The following IRX4 variants were observed in gnomAD, a reference collection of about 807,000 sequenced individuals.
IRX4 encodes iroquois homeobox 4.
In IRX4, 22 loss-of-function variants were observed where a neutral mutation model predicts 32.0. The ratio of observed to expected loss-of-function variants is 0.69; its 90% CI spans 0.49 to 0.98. IRX4 has a LOEUF of 0.98. Among genes scored for constraint, IRX4 ranks in the 50% least tolerant of loss-of-function variants. The pLI is 0.00. For missense variants in IRX4, 840 were observed against 744.2 expected (o/e 1.13, Z -1.50); for synonymous variants, 379 against 351.7 (o/e 1.08, Z -0.87).
chr5:1,880,832 G>C lies in IRX4; in HGVS notation c.300C>G (p.Asn100Lys), dbSNP rs1005371183. ...CCGAACCATCCTTGGAATCAAAGCT[G>C]TTCTGTGGGAGCCAAGAGTCTGGGG... ...GSEASAFYSL[N>K]SFDSKDGSGS... The change falls in exon 3 of 5, where the codon AAC becomes AAG. Residue 100 changes from asparagine (N) to lysine (K), a missense_variant and splice_region_variant. Coordinates refer to ENST00000231357, the MANE Select transcript of IRX4 (RefSeq NM_016358.3). The C allele has an allele frequency of 6.2e-7, 1 of 1,612,954 alleles. No homozygotes were observed. The highest frequency in any genetic ancestry group is 1.1e-5 in the South Asian group (1 of 91,076).
chr5:1,880,185 G>A (rs1354045936), intron 3 of IRX4: 1 of 1,458,430 alleles, frequency 6.9e-7, no homozygotes, highest in Non-Finnish European at 9.3e-7. Context: ...CCCACACCCT[G>A]AGATGTAACA....
chr5:1,878,398 G>GGCT lies in IRX4; in HGVS notation c.1130_1131insAGC (p.Ala382dup), dbSNP rs771610496. The GGCT allele has an allele frequency of 2.0e-6, 3 of 1,526,162 alleles. No homozygotes were observed. In the African/African-American group the frequency reaches 4.2e-5, roughly 21 times the overall value. The allele number at this position is 1,526,162 out of a possible 1,614,324, so 94.5% of individuals were successfully genotyped here. On this transcript the variant is annotated inframe_insertion, in exon 5 of 5. Coordinates refer to ENST00000231357, the MANE Select transcript of IRX4 (RefSeq NM_016358.3). ...TCAGGGAGGTGGCGGCGGCGGCGGC[G>GGCT]GCGGTGGCTGTGTGGGCCAGGGACC...
chr5:1,880,732 AG>A lies in IRX4; in HGVS notation c.399del (p.Tyr134MetfsTer51). On this transcript the variant is annotated frameshift_variant, in exon 3 of 5. Coordinates refer to ENST00000231357, the MANE Select transcript of IRX4 (RefSeq NM_016358.3). LOFTEE classifies it high-confidence loss of function. Reference sequence around the variant, plus strand: ...GGAGGGGTGGGTCCTCACCTGTCATAGGGGTACTGGCCCAGAGCTGGCTCGT... The same window carrying A: ...GGAGGGGTGGGTCCTCACCTGTCATAGGGTACTGGCCCAGAGCTGGCTCGT... ...YPYEPALGQY[P>X]YDRYGTMDSG... The A allele has an allele frequency of 6.2e-7, 1 of 1,611,858 alleles. No individual in the cohort carries two copies. Among genetic ancestry groups the A allele is most frequent in the Non-Finnish European group, 8.5e-7 (1 of 1,178,114 alleles).
At position 1,879,649 on chromosome 5, in the gene IRX4, G is replaced by T; in HGVS notation, c.591C>A (p.Arg197=). 6.2e-7 allele frequency: 1 copy of T among 1,614,160 alleles called. No individual in the cohort carries two copies. The change falls in exon 4 of 5, where the codon CGC becomes CGA. Residue 197 remains arginine (R), a synonymous_variant. Transcript: ENST00000231357. ...TCTTGTTCTCCTTCTTGAGGCGCCG[G>T]CGCGCGTTGGCGAACCAGGTGGAGA... ...TQVSTWFANA[R]RRLKKENKMT...
chr5:1,885,309 G>A (rs752635561), upstream of IRX4, among the ~76,000 whole-genome samples: 4 of 152,202 alleles, frequency 2.6e-5, no homozygotes, highest in Non-Finnish European at 4.4e-5. Context: ...TCCCAGGGCA[G>A]CCAGTACGTG....
In IRX4 at chr5:1,879,637, C is replaced by T; in HGVS notation, c.603G>A (p.Lys201=). The change falls in exon 4 of 5, where the codon AAG becomes AAA. Residue 201 remains lysine, a synonymous_variant. Coordinates refer to ENST00000231357, the MANE Select transcript of IRX4 (RefSeq NM_016358.3). ...TWFANARRRL[K]KENKMTWPPR... Reference sequence around the variant, plus strand: ...GCGGCCACGTCATCTTGTTCTCCTTCTTGAGGCGCCGGCGCGCGTTGGCGA... The same window carrying T: ...GCGGCCACGTCATCTTGTTCTCCTTTTTGAGGCGCCGGCGCGCGTTGGCGA... 1.9e-6 allele frequency: 3 copies of T among 1,614,156 alleles called. No homozygotes were observed. The highest frequency in any genetic ancestry group is 3.3e-5 in the Admixed American group (2 of 60,034).
Position 1,877,978 on chromosome 5 carries a change from G to A in IRX4, c.1551C>T (p.Phe517=), listed in dbSNP as rs1186342709. ...TCGGGACCCGCCCGCCTCAGGCGCAGAAGGGTTTGCCGCCGGCCTTGGGCA... is the reference window on the plus strand; with the variant it reads ...TCGGGACCCGCCCGCCTCAGGCGCAAAAGGGTTTGCCGCCGGCCTTGGGCA... ...LALPKAGGKP[F]CA Residue 517 remains phenylalanine (F), a synonymous_variant, in exon 5 of 5, where the codon TTC becomes TTT. Coordinates refer to ENST00000231357, the MANE Select transcript of IRX4 (RefSeq NM_016358.3). 5 of 1,501,310 alleles carry A rather than the reference G, an allele frequency of 3.3e-6. No individual in the cohort carries two copies. Among genetic ancestry groups the A allele is most frequent in the African/African-American group, 1.4e-5 (1 of 69,480 alleles). 93.0% of individuals were successfully genotyped at this position (1,501,310 alleles called of 1,614,324 possible).
Position 1,882,691 on chromosome 5 carries a change from T to C in IRX4, c.-44A>G. The C allele has an allele frequency of 2.4e-6, 3 of 1,274,542 alleles. No individual in the cohort carries two copies. Among genetic ancestry groups the C allele is most frequent in the Non-Finnish European group, 2.0e-6 (2 of 985,214 alleles). The allele number at this position is 1,274,542 out of a possible 1,614,324, so 79.0% of individuals were successfully genotyped here. A position where few individuals can be genotyped will look rare whatever the true frequency, so the allele number is the denominator to read the frequency against. The stretch of plus-strand genomic sequence containing the variant: ...CGGACGGGCGGGGCCTGCAGGGTTC[T>C]GCGCGCTGGGGCCGGCGTGGCGCGG... On this transcript the variant is annotated 5_prime_UTR_variant, in exon 1 of 5. Coordinates refer to ENST00000231357, the MANE Select transcript of IRX4 (RefSeq NM_016358.3).
At position 1,878,158 on chromosome 5, in the gene IRX4, C is replaced by G. The variant is rs774789720; in HGVS notation, c.1371G>C (p.Trp457Cys). The change falls in exon 5 of 5, where the codon TGG (tryptophan) becomes TGC (cysteine). Residue 457 changes from tryptophan to cysteine, a missense_variant. This residue lies in a region of IRX4 where 585 missense variants were observed against 488.0 expected (regional missense o/e 1.20). Coordinates refer to ENST00000231357, the MANE Select transcript of IRX4 (RefSeq NM_016358.3). ...ILRHSTLNQAWATAKGALLDP... is the reference protein window; with the variant it reads ...ILRHSTLNQACATAKGALLDP... Reference sequence around the variant, plus strand: ...CCAGGAGGGCGCCCTTGGCGGTGGCCCAGGCCTGGTTCAAAGTGCTGTGCC... The same window carrying G: ...CCAGGAGGGCGCCCTTGGCGGTGGCGCAGGCCTGGTTCAAAGTGCTGTGCC... 3 of 1,568,426 alleles carry G rather than the reference C, an allele frequency of 1.9e-6. No homozygotes were observed. In the South Asian group the frequency reaches 3.5e-5, roughly 18 times the overall value.
rs770051402 is a variant in IRX4, at chr5:1,878,705, AGCTCGCAC to A, written c.816_823del (p.Cys273GlufsTer90). 6.2e-7 allele frequency: 1 copy of A among 1,612,126 alleles called. No homozygotes were observed. The highest frequency in any genetic ancestry group is 1.1e-5 in the South Asian group (1 of 90,954). Reference sequence around the variant, plus strand: ...GTCCAGGGAGTGGAAGGGCGGCTTCAGCTCGCACGCCGGCGGCTCTGCTTCCAGCGGGT... The same window carrying A: ...GTCCAGGGAGTGGAAGGGCGGCTTCAGCCGGCGGCTCTGCTTCCAGCGGGT... On this transcript the variant is annotated frameshift_variant, in exon 5 of 5. Coordinates refer to ENST00000231357, the MANE Select transcript of IRX4 (RefSeq NM_016358.3). LOFTEE classifies it low-confidence loss of function (END_TRUNC).
chr5:1,880,035 A>G (rs1162153420), intron 3 of IRX4: 25 of 1,525,362 alleles, frequency 1.6e-5, no homozygotes, highest in Admixed American at 1.0e-4. Context: ...TCTGTGGCCA[A>G]AGGGCAAAGA....
At chr5:1,881,161 G>C (rs1735421228) in intron 2 of IRX4, 1 of 405,886 alleles carries the variant, frequency 2.5e-6, no homozygotes, top group Non-Finnish European at 4.6e-6. Flanking sequence ...GGCAATAGGG[G>C]GCAGCTGGGA....
At chr5:1,879,158 A>G (rs1735334255) in intron 4 of IRX4, among the ~76,000 whole-genome samples, 1 of 151,856 alleles carries the variant, frequency 6.6e-6, no homozygotes, top group Non-Finnish European at 1.5e-5. Context: ...CGCCCGGCTA[A>G]TTTTTTGTAT....
At chr5:1,884,251 C>G (rs1359070770), upstream of IRX4, 1 of 152,286 alleles carries the variant, frequency 6.6e-6, no homozygotes, top group South Asian at 2.1e-4. Context: ...TGCAAGGCAG[C>G]GTTGTGCAGA....
upstream of IRX4, among the ~76,000 whole-genome samples, chr5:1,885,454 T>C (rs1036225316): frequency 3.3e-5 from 5 of 152,146 alleles, no homozygotes; most frequent in African/African-American, 4.8e-5. Flanking sequence ...CCCAGAAACC[T>C]GGCCTCTGAA....
chr5:1,877,881 C>T lies in IRX4; in HGVS notation c.*88G>A, dbSNP rs897765857. ...TGGGTTGGCGGCTTCGCGGTGGCCG[C>T]GCTAGTCTTCCTCTGGAAACTCAGT... On this transcript the variant is annotated 3_prime_UTR_variant, in exon 5 of 5. Coordinates refer to ENST00000231357, the MANE Select transcript of IRX4 (RefSeq NM_016358.3). 2 of 1,252,254 alleles carry T rather than the reference C, an allele frequency of 1.6e-6. No homozygotes were observed. The highest frequency in any genetic ancestry group is 1.6e-5 in the African/African-American group (1 of 63,546). The allele number at this position is 1,252,254 out of a possible 1,614,324, so 77.6% of individuals were successfully genotyped here. A position where few individuals can be genotyped will look rare whatever the true frequency, so the allele number is the denominator to read the frequency against.
Position 1,882,687 on chromosome 5 carries a change from G to T in IRX4, c.-40C>A. 4 of 1,291,280 alleles carry T rather than the reference G, an allele frequency of 3.1e-6. No homozygotes were observed. The highest frequency in any genetic ancestry group is 4.0e-6 in the Non-Finnish European group (4 of 999,434). 80.0% of individuals were successfully genotyped at this position (1,291,280 alleles called of 1,614,324 possible). A position where few individuals can be genotyped will look rare whatever the true frequency, so the allele number is the denominator to read the frequency against. On this transcript the variant is annotated 5_prime_UTR_variant, in exon 1 of 5. Coordinates refer to ENST00000231357, the MANE Select transcript of IRX4 (RefSeq NM_016358.3). ...GGGGCGGACGGGCGGGGCCTGCAGG[G>T]TTCTGCGCGCTGGGGCCGGCGTGGC...
At chr5:1,879,395 T>C (rs767013449) in intron 4 of IRX4, 109 bp downstream of exon 4, 20 of 1,536,878 alleles carry the variant, frequency 1.3e-5, no homozygotes, top group Non-Finnish European at 1.8e-5. Flanking sequence ...GGTGACCGCC[T>C]AGGCATGGGG....
rs1194913775 is a variant in IRX4, at chr5:1,878,466, G to A, written c.1063C>T (p.Pro355Ser). The change falls in exon 5 of 5, where the codon CCG (proline) becomes TCG (serine). Residue 355 changes from proline to serine, a missense_variant. Coordinates refer to ENST00000231357, the MANE Select transcript of IRX4 (RefSeq NM_016358.3). ...TCCAGGCCTGCCGACGCCCCCGCCG[G>A]CACAAACCCCAGCTTGGCCTCGCAG... is the stretch of plus-strand genomic sequence containing the variant. ...QVCEAKLGFVPAGASAGLEAK... is the reference protein window; with the variant it reads ...QVCEAKLGFVSAGASAGLEAK... 1 of 1,453,538 alleles carries A rather than the reference G, an allele frequency of 6.9e-7. No homozygotes were observed. The highest frequency in any genetic ancestry group is 2.6e-5 in the East Asian group (1 of 38,498). 90.0% of individuals were successfully genotyped at this position (1,453,538 alleles called of 1,614,324 possible). A position where few individuals can be genotyped will look rare whatever the true frequency, so the allele number is the denominator to read the frequency against.
Sources: allele counts gnomAD v4.1 joint callset (sites outside exome capture counted in the v4.1 genomes callset), GRCh38; gene constraint gnomAD v4.1.1; regional missense constraint gnomAD v4.1.1; transcripts MANE v1.5; gene names NCBI Gene and HGNC (gene_info 2026-07-23, HGNC 2026-07-21).